The following SP100 variants were observed in gnomAD, a reference collection of about 807,000 sequenced individuals.
SP100 encodes SP100 nuclear body protein.
A neutral mutation model predicts 130.0 loss-of-function variants in SP100; 84 were observed. The ratio of observed to expected loss-of-function variants is 0.65; its 90% CI spans 0.54 to 0.77. SP100 has a LOEUF of 0.77. Among genes scored for constraint, SP100 ranks in the 30% least tolerant of loss-of-function variants. The probability of loss-of-function intolerance (pLI) is 0.00; values close to 1 mark genes in which losing one functional copy is unlikely to be tolerated. For missense variants in SP100, 978 were observed against 1,052.2 expected (o/e 0.93, Z 0.97); for synonymous variants, 331 against 351.7 (o/e 0.94, Z 0.66).
chr2:230,442,542 G>A (rs1290310629), intron 2 of SP100, among the ~76,000 whole-genome samples: 4 of 152,084 alleles, frequency 2.6e-5, no homozygotes, highest in Non-Finnish European at 4.4e-5. Context: ...TCTCTCAGTT[G>A]ATTAAGATGC....
At chr2:230,496,505 T>C (rs1205032658) in intron 18 of SP100, among the ~76,000 whole-genome samples, 1 of 152,178 alleles carries the variant, frequency 6.6e-6, no homozygotes, top group African/African-American at 2.4e-5. Flanking sequence ...GGAGCAGGAA[T>C]GGTCCTCATA....
At chr2:230,437,613 A>C (rs1273632940) in intron 2 of SP100, among the ~76,000 whole-genome samples, 1 of 151,980 alleles carries the variant, frequency 6.6e-6, no homozygotes, top group African/African-American at 2.4e-5. Flanking sequence ...TCTGTCACCC[A>C]GGCTGGAGTG....
At chr2:230,467,278 T>C in intron 13 of SP100, 63 bp downstream of exon 13, 1 of 1,166,644 alleles carries the variant, frequency 8.6e-7, no homozygotes, top group Admixed American at 1.7e-5. Context: ...TGATGCACTG[T>C]GCTCTGAGCA....
rs559985436 is a variant in SP100, at chr2:230,461,948, C to CA, written c.974-481dup. Among the ~76,000 whole-genome samples the CA allele has an allele frequency of 3.7e-3, 461 of 125,428 alleles. 1 individual carries two copies. Among genetic ancestry groups the CA allele is most frequent in the African/African-American group, 0.014 (434 of 31,984 alleles). 82.3% of individuals were successfully genotyped at this position (125,428 alleles called of 152,430 possible). ...TGGGCAACAGAGCAAGACTCTGTCT[C>CA]AAAAAAGAAAAAAAAAAGGAAAAAA... On this transcript the variant is annotated intron_variant, in intron 9 of 28. Coordinates refer to ENST00000340126, the MANE Select transcript of SP100 (RefSeq NM_001080391.2).
chr2:230,495,259 T>C (rs548087237), intron 18 of SP100, among the ~76,000 whole-genome samples: 1 of 152,294 alleles, frequency 6.6e-6, no homozygotes, highest in East Asian at 1.9e-4. Context: ...TTGAATCAAT[T>C]ACATGGAAGC....
intron 24 of SP100, among the ~76,000 whole-genome samples, chr2:230,532,230 A>T (rs1691733230): frequency 6.6e-6 from 1 of 152,172 alleles, no homozygotes; most frequent in Non-Finnish European, 1.5e-5. Flanking sequence ...AAAAATAAAT[A>T]AATAAAAGAC....
Position 230,416,308 on chromosome 2 carries a change from GGGC to G in SP100, c.17_19del (p.Gly6del). On this transcript the variant is annotated inframe_deletion, in exon 1 of 29. Transcript: ENST00000340126. The stretch of plus-strand genomic sequence containing the variant: ...CCTAGGGTGGGAAGATGGCAGGTGG[GGGC>G]GGCGACCTGAGCACCAGGTGAGTCT... 6.2e-7 allele frequency: 1 copy of G among 1,613,526 alleles called. No homozygotes were observed.
At chr2:230,484,242 T>C (rs1380848045) in intron 17 of SP100, among the ~76,000 whole-genome samples, 1 of 152,232 alleles carries the variant, frequency 6.6e-6, no homozygotes, top group African/African-American at 2.4e-5. Context: ...TGACCTCAGC[T>C]AAGAGCATGC....
chr2:230,440,118 A>C (rs1240785283), intron 2 of SP100, among the ~76,000 whole-genome samples: 1 of 152,152 alleles, frequency 6.6e-6, no homozygotes, highest in Non-Finnish European at 1.5e-5. Context: ...AAGGCAAGGA[A>C]GTCCACTCTC....
At chr2:230,472,423 G>A (rs566123716) in intron 15 of SP100, among the ~76,000 whole-genome samples, 64 of 75,108 alleles carry the variant, frequency 8.5e-4, no homozygotes, top group Middle Eastern at 0.011. Context: ...GCAAGACTCC[G>A]TCTCAAAAAA....
At chr2:230,447,258 G>A (rs2063752317) in intron 5 of SP100, among the ~76,000 whole-genome samples, 1 of 152,156 alleles carries the variant, frequency 6.6e-6, no homozygotes, top group Non-Finnish European at 1.5e-5. Flanking sequence ...GAGACCCCTG[G>A]GGAAAGAAAG....
At chr2:230,428,997 A>G (rs2149873250) in intron 2 of SP100, among the ~76,000 whole-genome samples, 1 of 152,316 alleles carries the variant, frequency 6.6e-6, no homozygotes, top group South Asian at 2.1e-4. Context: ...AATCATTACA[A>G]TATTAGAGAT....
At chr2:230,539,242 G>A (rs1692070627) in intron 24 of SP100, 25 bp from the exon 25 acceptor site, 1 of 1,475,328 alleles carries the variant, frequency 6.8e-7, no homozygotes, top group Non-Finnish European at 9.5e-7. Context: ...ACTGATCCCG[G>A]TGATGTCTAC....
chr2:230,498,259 A>C (rs917754552), intron 18 of SP100, among the ~76,000 whole-genome samples: 6 of 152,178 alleles, frequency 3.9e-5, no homozygotes, highest in African/African-American at 1.4e-4. Flanking sequence ...ATTTGGATTA[A>C]TGTCACGGGA....
chr2:230,506,353 A>C lies in SP100; in HGVS notation c.1921A>C (p.Arg641=), dbSNP rs914577851. The change falls in exon 22 of 29, where the codon AGG becomes CGG. Residue 641 remains arginine, a synonymous_variant. Coordinates refer to ENST00000340126, the MANE Select transcript of SP100 (RefSeq NM_001080391.2). The part of the protein sequence containing the change: ...QSEDKKWFTP[R]EFEIEGDRGA... ...TGAGGATAAAAAGTGGTTCACTCCCAGGGAATTTGAAATTGAAGGAGACCG... is the reference window on the plus strand; with the variant it reads ...TGAGGATAAAAAGTGGTTCACTCCCCGGGAATTTGAAATTGAAGGAGACCG... 3.7e-6 allele frequency: 6 copies of C among 1,613,860 alleles called. No homozygotes were observed. The Admixed American group carries it at 6.7e-5, about 18-fold the overall frequency.
At chr2:230,479,590 G>A (rs539450532) in intron 17 of SP100, among the ~76,000 whole-genome samples, 1 of 152,274 alleles carries the variant, frequency 6.6e-6, no homozygotes, top group African/African-American at 2.4e-5. Context: ...TACCTGTTTT[G>A]GGTTAGGACG....
chr2:230,470,220 G>A, intron 15 of SP100, 122 bp downstream of exon 15: 9 of 1,359,854 alleles, frequency 6.6e-6, no homozygotes, highest in South Asian at 1.9e-5. Flanking sequence ...AGTTCATCTG[G>A]GAACTCCTTT....
intron 18 of SP100, among the ~76,000 whole-genome samples, 154 bp from the exon 19 acceptor site, chr2:230,498,307 C>T (rs1171732197): frequency 6.6e-6 from 1 of 152,090 alleles, no homozygotes; most frequent in Non-Finnish European, 1.5e-5. Flanking sequence ...GGTTAACCAT[C>T]AAAGGCTTGG....
At chr2:230,519,629 G>A (rs1559532821) in intron 24 of SP100, among the ~76,000 whole-genome samples, 1 of 152,126 alleles carries the variant, frequency 6.6e-6, no homozygotes, top group African/African-American at 2.4e-5. Context: ...GGAATGAAAG[G>A]GAGAAAGCTT....
Sources: gnomAD v4.1 joint callset for allele counts (sites outside exome capture counted in the v4.1 genomes callset) on GRCh38, gnomAD v4.1.1 for gene constraint, MANE v1.5 for transcripts, NCBI Gene and HGNC (gene_info 2026-07-23, HGNC 2026-07-21) for gene names.